HSH2D: variants seen among roughly 807,000 people sequenced by gnomAD.
HSH2D encodes hematopoietic SH2 domain containing, also known as hematopoietic SH2 domain-containing protein.
HSH2D carries 16 observed loss-of-function variants against 21.5 expected under a neutral mutation model. The ratio of observed to expected loss-of-function variants is 0.74; its 90% CI spans 0.50 to 1.13. HSH2D has a LOEUF of 1.13. Ranked by LOEUF, HSH2D falls within the 50% of genes most tolerant of loss-of-function variation. The pLI, the probability that HSH2D is intolerant of heterozygous loss-of-function variation, is 0.00. For synonymous variants in HSH2D, 172 were observed against 184.7 expected (o/e 0.93, Z 0.56); for missense variants, 418 against 441.4 (o/e 0.95, Z 0.47).
chr19:16,134,959 T>TAAA (rs992110141), intron 1 of HSH2D, among the ~76,000 whole-genome samples: 1 of 117,508 alleles, frequency 8.5e-6, no homozygotes, highest in Non-Finnish European at 1.8e-5. Flanking sequence ...ACCCCATCTC[T>TAAA]AAAAAAAAAA....
rs1265156175 is a variant in HSH2D at position 16,158,043 on chromosome 19, CCTT to C, written c.*252_*254del. 6 of 454,094 alleles carry C rather than the reference CCTT, an allele frequency of 1.3e-5. No individual in the cohort carries two copies. The highest frequency in any genetic ancestry group is 2.3e-5 in the Non-Finnish European group (6 of 257,504). The allele number at this position is 454,094 out of a possible 1,614,324, so 28.1% of individuals were successfully genotyped here. On this transcript the variant is annotated 3_prime_UTR_variant, in exon 6 of 6. Coordinates refer to ENST00000613986, the MANE Select transcript of HSH2D (RefSeq NM_001382417.1). ...GCTATACATCAGCCCCAGTGCCAGA[CCTT>C]CTATTCATTATTTTACGCCTCAGAG... is the stretch of plus-strand genomic sequence containing the variant.
Position 16,157,276 on chromosome 19 carries a change from A to G in HSH2D, c.541A>G (p.Ile181Val), listed in dbSNP as rs2091248428. ...ERKPSAEMNR[I>V]TTKEATSSCP... ...GAAGCCGTCAGCAGAGATGAACAGA[A>G]TAACCACCAAGGAAGCCACTTCCTC... Residue 181 changes from isoleucine (I) to valine (V), a missense_variant, in exon 6 of 6, where the codon ATA (isoleucine) becomes GTA (valine). Physicochemically the swap from Ile to Val is conservative, Grantham distance 29. Coordinates refer to ENST00000613986, the MANE Select transcript of HSH2D (RefSeq NM_001382417.1). The surrounding 1 kb of genome is among the most constrained non-coding windows in gnomAD (Gnocchi z 4.4). The G allele has an allele frequency of 1.2e-6, 2 of 1,608,144 alleles. No homozygotes were observed. The highest frequency in any genetic ancestry group is 1.7e-5 in the Admixed American group (1 of 58,526).
chr19:16,146,764 C>T (rs1367953022), intron 1 of HSH2D, among the ~76,000 whole-genome samples: 1 of 151,854 alleles, frequency 6.6e-6, no homozygotes, highest in Non-Finnish European at 1.5e-5. Context: ...CGTTCACTTG[C>T]CATTTTGTCA....
intron 1 of HSH2D, among the ~76,000 whole-genome samples, chr19:16,136,293 T>C (rs1226931476): frequency 6.6e-6 from 1 of 152,144 alleles, no homozygotes; most frequent in Non-Finnish European, 1.5e-5. Context: ...AACTGCAAAA[T>C]TCGGAGACAG....
chr19:16,144,685 T>TG (rs1555716521), intron 1 of HSH2D, among the ~76,000 whole-genome samples: 3 of 119,404 alleles, frequency 2.5e-5, no homozygotes, highest in Non-Finnish European at 5.7e-5. Context: ...AATTCTAGGC[T>TG]CTTTTTTTTT....
rs2091256855 is a variant in HSH2D at position 16,157,760 on chromosome 19, A to G, written c.1025A>G (p.Gln342Arg). 2 of 1,609,990 alleles carry G rather than the reference A, an allele frequency of 1.2e-6. No individual in the cohort carries two copies. The change falls in exon 6 of 6, where the codon CAA becomes CGA. Residue 342 changes from glutamine (Q) to arginine (R), a missense_variant. Coordinates refer to ENST00000613986, the MANE Select transcript of HSH2D (RefSeq NM_001382417.1). This position sits in a 1 kb window ranked among gnomAD's most constrained non-coding sequence, Gnocchi z 4.4. ...AACGACCAGCTCCCGGAGGAGTACCAACAACCGCCACCCTTTGCCCCTGGG... is the reference window on the plus strand; with the variant it reads ...AACGACCAGCTCCCGGAGGAGTACCGACAACCGCCACCCTTTGCCCCTGGG... ...PENDQLPEEY[Q>R]QPPPFAPGYC
intron 1 of HSH2D, among the ~76,000 whole-genome samples, chr19:16,148,239 C>G (rs1371718496): frequency 6.6e-6 from 1 of 152,038 alleles, no homozygotes; most frequent in African/African-American, 2.4e-5. Context: ...ACCTCTGCCC[C>G]CCGGGTTCAA....
At chr19:16,150,490 G>A (rs577872657) in intron 2 of HSH2D, among the ~76,000 whole-genome samples, 162 of 152,020 alleles carry the variant, frequency 1.1e-3, no homozygotes, top group African/African-American at 3.8e-3. Context: ...AGTGAGCTGA[G>A]GTCGTGCCAC....
chr19:16,135,380 G>A (rs1392482722), intron 1 of HSH2D, among the ~76,000 whole-genome samples: 1 of 151,898 alleles, frequency 6.6e-6, no homozygotes, highest in African/African-American at 2.4e-5. Flanking sequence ...AGTGAGCTGT[G>A]ACCACACCAC....
chr19:16,134,676 G>A (rs771863841), intron 1 of HSH2D, among the ~76,000 whole-genome samples: 16 of 151,962 alleles, frequency 1.1e-4, no homozygotes, highest in Non-Finnish European at 1.5e-4. Context: ...CTTCCCCATC[G>A]TGCCCACAGC....
chr19:16,152,374 C>T (rs1267051705), intron 2 of HSH2D, among the ~76,000 whole-genome samples, 178 bp from the exon 3 acceptor site: 24 of 148,376 alleles, frequency 1.6e-4, no homozygotes, highest in Admixed American at 1.2e-3. Flanking sequence ...GTTGAGATCG[C>T]GCCACTGCAC....
At chr19:16,146,838 T>A (rs1348661348) in intron 1 of HSH2D, among the ~76,000 whole-genome samples, 2 of 151,844 alleles carry the variant, frequency 1.3e-5, no homozygotes, top group East Asian at 3.9e-4. Context: ...TCTTTTTTTT[T>A]TTTTTGAGAT....
chr19:16,147,257 G>A (rs936942191), intron 1 of HSH2D, among the ~76,000 whole-genome samples: 4 of 152,000 alleles, frequency 2.6e-5, no homozygotes, highest in African/African-American at 9.7e-5. Context: ...GGCTGACACA[G>A]GTGGATTTCT....
In HSH2D at chr19:16,153,108, GGGA is replaced by G. The variant is rs1243812855; in HGVS notation, c.283_285del (p.Glu95del). The G allele has an allele frequency of 1.6e-5, 26 of 1,607,686 alleles. No individual in the cohort carries two copies. The highest frequency in any genetic ancestry group is 5.1e-5 in the Admixed American group (3 of 59,008). ...GATGATGGGACTTTCATGATCCCCGGGGAGAAGGTGGCCCACACCTCGCTGGAC... is the reference window on the plus strand; with the variant it reads ...GATGATGGGACTTTCATGATCCCCGGGAAGGTGGCCCACACCTCGCTGGAC... On this transcript the variant is annotated inframe_deletion, in exon 4 of 6. Coordinates refer to ENST00000613986, the MANE Select transcript of HSH2D (RefSeq NM_001382417.1).
At chr19:16,140,399 G>A (rs747032623), upstream of HSH2D, among the ~76,000 whole-genome samples, 1 of 152,194 alleles carries the variant, frequency 6.6e-6, no homozygotes, top group Non-Finnish European at 1.5e-5. Context: ...GAGGTCAGGA[G>A]TTCAAGACCA....
intron 4 of HSH2D, among the ~76,000 whole-genome samples, chr19:16,153,698 C>T (rs904485831): frequency 6.8e-6 from 1 of 147,040 alleles, no homozygotes; most frequent in African/African-American, 2.5e-5. Context: ...GCTCCCAATA[C>T]GCTTTCCTTA....
At chr19:16,147,388 G>C (rs1348807394) in intron 1 of HSH2D, among the ~76,000 whole-genome samples, 1 of 151,182 alleles carries the variant, frequency 6.6e-6, no homozygotes, top group East Asian at 2.0e-4. Flanking sequence ...GGGGACTGAG[G>C]TGGGAGAATC....
chr19:16,153,672 C>T (rs2091196341), intron 4 of HSH2D, among the ~76,000 whole-genome samples: 1 of 147,384 alleles, frequency 6.8e-6, no homozygotes, highest in Non-Finnish European at 1.5e-5. Context: ...CTTAGAAGCT[C>T]GGTGGGCGTG....
upstream of HSH2D, among the ~76,000 whole-genome samples, chr19:16,139,224 G>C (rs2090983718): frequency 1.3e-5 from 2 of 152,220 alleles, 1 homozygote; most frequent in Non-Finnish European, 2.9e-5. Context: ...GGCTCAGCCA[G>C]TGTTTGTGAA....
Sources: gnomAD v4.1 joint callset for allele counts (sites outside exome capture counted in the v4.1 genomes callset) on GRCh38, gnomAD v4.1.1 for gene constraint, Gnocchi (gnomAD v3.1) non-coding constraint, MANE v1.5 for transcripts, NCBI Gene and HGNC (gene_info 2026-07-23, HGNC 2026-07-21) for gene names.